Variants in GRID2 observed in about 807,000 individuals in gnomAD.
GRID2 encodes the protein glutamate receptor ionotropic, delta-2.
A neutral mutation model predicts 114.8 loss-of-function variants in GRID2; 33 were observed. The ratio of observed to expected loss-of-function variants is 0.29; its 90% CI spans 0.22 to 0.38. The LOEUF is 0.38. Ranked by LOEUF, GRID2 falls within the 10% of genes least tolerant of loss-of-function variation. The pLI is 1.00. For synonymous variants in GRID2, 505 were observed against 449.9 expected, an observed-to-expected ratio of 1.12 and a Z score of -1.55; for missense variants, 1,184 against 1,257.7, an observed-to-expected ratio of 0.94 and a Z score of 0.89.
chr4:92,430,354 G>C (rs1454157880), intron 1 of GRID2, among the ~76,000 whole-genome samples: 1 of 152,032 alleles, frequency 6.6e-6, no homozygotes, highest in Non-Finnish European at 1.5e-5. Flanking sequence ...ATTTATTGAA[G>C]AGAATTTCTT....
chr4:92,384,480 T>A lies in GRID2; in HGVS notation c.88+79736T>A, dbSNP rs868224403. On this transcript the variant is annotated intron_variant, in intron 1 of 15. Coordinates refer to ENST00000282020, the MANE Select transcript of GRID2 (RefSeq NM_001510.4). ...TATATATATATATATATATATATAT[T>A]ATTTATATATAATAAAAATATATAT... is the stretch of plus-strand genomic sequence containing the variant. Among the ~76,000 whole-genome samples, 380 of 53,966 alleles carry A rather than the reference T, an allele frequency of 7.0e-3. 3 individuals carry two copies. The highest frequency in any genetic ancestry group is 8.9e-3 in the Non-Finnish European group (280 of 31,420). 35.4% of individuals were successfully genotyped at this position (53,966 alleles called of 152,430 possible).
At chr4:92,958,357 G>A (rs1030582752) in intron 2 of GRID2, among the ~76,000 whole-genome samples, 9 of 152,140 alleles carry the variant, frequency 5.9e-5, no homozygotes, top group African/African-American at 2.2e-4. Context: ...ATGACTGAGA[G>A]ATTTTATGAT....
At chr4:93,682,551 A>T (rs1156787779) in intron 14 of GRID2, among the ~76,000 whole-genome samples, 1 of 152,252 alleles carries the variant, frequency 6.6e-6, no homozygotes, top group East Asian at 1.9e-4. Context: ...ACAATGATAG[A>T]CTGGATTAAG....
At chr4:93,166,201 G>A (rs1040969691) in intron 4 of GRID2, 1 of 152,168 alleles carries the variant, frequency 6.6e-6, no homozygotes, top group African/African-American at 2.4e-5. Flanking sequence ...GTAGTGGACT[G>A]TAATTTGTTA....
At chr4:93,578,701 C>T (rs1403494394) in intron 13 of GRID2, among the ~76,000 whole-genome samples, 1 of 146,064 alleles carries the variant, frequency 6.8e-6, no homozygotes, top group African/African-American at 2.6e-5. Context: ...TCACGCCATT[C>T]TCCTGCCTCA....
At chr4:93,203,410 A>G (rs1346051481) in intron 4 of GRID2, among the ~76,000 whole-genome samples, 2 of 152,188 alleles carry the variant, frequency 1.3e-5, no homozygotes, top group African/African-American at 2.4e-5. Context: ...TTAAAAAGAC[A>G]AGACATATCT....
At chr4:93,159,351 T>C (rs1737469464) in intron 4 of GRID2, among the ~76,000 whole-genome samples, 3 of 151,844 alleles carry the variant, frequency 2.0e-5, no homozygotes, top group African/African-American at 7.2e-5. Flanking sequence ...AGAATCATAG[T>C]GCTGAGAAAA....
At chr4:93,719,467 A>T (rs1729174837) in intron 14 of GRID2, among the ~76,000 whole-genome samples, 1 of 151,654 alleles carries the variant, frequency 6.6e-6, no homozygotes, top group Non-Finnish European at 1.5e-5. Flanking sequence ...AGATAAAGTG[A>T]TTTTTTTTCT....
At chr4:92,743,867 A>G (rs1383151566) in intron 2 of GRID2, among the ~76,000 whole-genome samples, 2 of 152,182 alleles carry the variant, frequency 1.3e-5, no homozygotes, top group Non-Finnish European at 2.9e-5. Flanking sequence ...TAGACAGAAG[A>G]TCTGTAAATA....
intron 13 of GRID2, among the ~76,000 whole-genome samples, chr4:93,518,331 T>C (rs72670609): frequency 0.03 from 4,529 of 152,100 alleles, 111 homozygotes; most frequent in Non-Finnish European, 0.048. Flanking sequence ...GTCGATGAGT[T>C]CTGATTTGCT....
At chr4:92,472,539 C>T (rs1024946557) in intron 1 of GRID2, among the ~76,000 whole-genome samples, 2 of 151,994 alleles carry the variant, frequency 1.3e-5, no homozygotes, top group African/African-American at 4.8e-5. Context: ...TTTTACTTTC[C>T]CACTGGTAAT....
chr4:93,344,503 G>A (rs925888020), intron 8 of GRID2, among the ~76,000 whole-genome samples: 12 of 151,398 alleles, frequency 7.9e-5, no homozygotes, highest in African/African-American at 2.9e-4. Context: ...TTTGATATAT[G>A]TACCTATTGT....
intron 14 of GRID2, among the ~76,000 whole-genome samples, chr4:93,758,525 GTT>G (rs149680952): frequency 0.012 from 1,781 of 152,236 alleles, 28 homozygotes; most frequent in African/African-American, 0.041. Context: ...CTTTTTAGAA[GTT>G]TAGAATTTGT....
intron 13 of GRID2, among the ~76,000 whole-genome samples, chr4:93,590,338 C>T (rs554872509): frequency 0.15 from 21,522 of 139,952 alleles, 2,112 homozygotes; most frequent in Middle Eastern, 0.28. Flanking sequence ...TTGTTTTTGT[C>T]AGGTTTGTCA....
chr4:93,003,699 C>T (rs1402510132), intron 2 of GRID2, among the ~76,000 whole-genome samples: 1 of 151,896 alleles, frequency 6.6e-6, no homozygotes, highest in Non-Finnish European at 1.5e-5. Flanking sequence ...TAGAGATAAA[C>T]AGCTGTGTCT....
chr4:93,741,159 C>CTATATATATATACATATATATA (rs1560963214), intron 14 of GRID2, among the ~76,000 whole-genome samples: 3 of 47,182 alleles, frequency 6.4e-5, no homozygotes, highest in Non-Finnish European at 1.0e-4. Context: ...ACCTGAGAAA[C>CTATATATATATACATATATATA]TATATATATA....
chr4:92,529,167 T>C (rs1205309421), intron 1 of GRID2, among the ~76,000 whole-genome samples: 1 of 152,038 alleles, frequency 6.6e-6, no homozygotes, highest in East Asian at 1.9e-4. Context: ...GGACTAATCA[T>C]AATTCATCAT....
Position 92,990,279 on chromosome 4 carries a change from A to ATG in GRID2, c.245-94708_245-94707dup, listed in dbSNP as rs201955082. Among the ~76,000 whole-genome samples, 147 of 96,992 alleles carry ATG rather than the reference A, an allele frequency of 1.5e-3. 3 individuals are homozygous for ATG. Among genetic ancestry groups the ATG allele is most frequent in the East Asian group, 7.4e-3 (24 of 3,258 alleles). 63.6% of individuals were successfully genotyped at this position (96,992 alleles called of 152,430 possible). A position where few individuals can be genotyped will look rare whatever the true frequency, so the allele number is the denominator to read the frequency against. ...TATGTATATATATATGTACGTAGAT[A>ATG]TGTGTGTGTATATATATATATATAT... On this transcript the variant is annotated intron_variant, in intron 2 of 15. Coordinates refer to ENST00000282020, the MANE Select transcript of GRID2 (RefSeq NM_001510.4).
At position 92,690,155 on chromosome 4, in the gene GRID2, A is replaced by C. The variant is rs1369115685; in HGVS notation, c.244+99869A>C. Among the ~76,000 whole-genome samples the C allele has an allele frequency of 2.0e-5, 3 of 151,850 alleles. No individual in the cohort carries two copies. The East Asian group carries it at 5.8e-4, about 29-fold the overall frequency. On this transcript the variant is annotated intron_variant, in intron 2 of 15. Transcript: ENST00000282020. ...TTGGCCTCTCTCTGATTTCAACATG[A>C]CTTCCTTTCTAAGCTCAATCATTTC...
Sources: allele counts gnomAD v4.1 joint callset (sites outside exome capture counted in the v4.1 genomes callset), GRCh38; gene constraint gnomAD v4.1.1; transcripts MANE v1.5; gene names NCBI Gene and HGNC (gene_info 2026-07-23, HGNC 2026-07-21).